ZC3H3: variants seen among roughly 807,000 people sequenced by gnomAD.
ZC3H3 encodes the protein zinc finger CCCH domain-containing protein 3.
ZC3H3 carries 36 observed loss-of-function variants against 77.3 expected under a neutral mutation model. The ratio of observed to expected loss-of-function variants is 0.47; its 90% CI spans 0.36 to 0.61. The LOEUF (loss-of-function observed/expected upper bound fraction) is 0.61, where lower values mean the gene tolerates loss of function less well. ZC3H3 is among the 20% of genes least tolerant of loss of function. ZC3H3 has a pLI of 0.00. For synonymous variants in ZC3H3, 626 were observed against 555.2 expected, an observed-to-expected ratio of 1.13 and a Z score of -1.79; for missense variants, 1,331 against 1,312.2, an observed-to-expected ratio of 1.01 and a Z score of -0.22.
rs778393897 is a variant in ZC3H3, at chr8:143,541,406, T to A, written c.16A>T (p.Ile6Leu). The A allele has an allele frequency of 1.2e-6, 2 of 1,611,746 alleles. No homozygotes were observed. The highest frequency in any genetic ancestry group is 2.7e-5 in the African/African-American group (2 of 74,812). The change falls in exon 1 of 12, where the codon ATA (isoleucine) becomes TTA (leucine). Residue 6 changes from isoleucine (I) to leucine (L), a missense_variant. This residue lies in a region of ZC3H3 where 978 missense variants were observed against 915.5 expected (regional missense o/e 1.07). Coordinates refer to ENST00000262577, the MANE Select transcript of ZC3H3 (RefSeq NM_015117.3). MEEKE[I>L]LRRQIRLLQG... ...AGTAGGCGGATCTGCCGCCGTAATA[T>A]CTCCTTTTCCTCCATCTCCCGAGTC...
chr8:143,439,324 C>CA (rs1819664293), intron 11 of ZC3H3, among the ~76,000 whole-genome samples: 1 of 152,152 alleles, frequency 6.6e-6, no homozygotes, highest in Non-Finnish European at 1.5e-5. Flanking sequence ...AAGGCTGCAG[C>CA]AAGCATCTTC....
At chr8:143,449,055 G>C (rs908607873) in intron 9 of ZC3H3, among the ~76,000 whole-genome samples, 5 of 152,240 alleles carry the variant, frequency 3.3e-5, no homozygotes, top group African/African-American at 1.2e-4. Context: ...CAGGGACGCA[G>C]ATCCTGGGGC....
Position 143,507,796 on chromosome 8 carries a change from GGGCGGGGCGCTGAGA to G in ZC3H3, c.1650_1664del (p.Leu551_Pro555del). 1 of 1,604,802 alleles carries G rather than the reference GGGCGGGGCGCTGAGA, an allele frequency of 6.2e-7. No individual in the cohort carries two copies. The highest frequency in any genetic ancestry group is 1.1e-5 in the South Asian group (1 of 90,842). Reference sequence around the variant, plus strand: ...GCCAGGAGGGCAGAGACAGGGGGAAGGGCGGGGCGCTGAGAGGCGAGGCCGGCGTCTTCTTGACAA... The same window carrying G: ...GCCAGGAGGGCAGAGACAGGGGGAAGGGCGAGGCCGGCGTCTTCTTGACAA... On this transcript the variant is annotated inframe_deletion, in exon 4 of 12. Coordinates refer to ENST00000262577, the MANE Select transcript of ZC3H3 (RefSeq NM_015117.3).
intron 8 of ZC3H3, 62 bp downstream of exon 8, chr8:143,468,147 G>A: frequency 6.4e-7 from 1 of 1,570,886 alleles, no homozygotes. Flanking sequence ...CTGCCCGGAG[G>A]CCAGGTGGCT....
intron 3 of ZC3H3, among the ~76,000 whole-genome samples, chr8:143,517,896 C>A (rs563790747): frequency 6.6e-6 from 1 of 152,220 alleles, no homozygotes. Context: ...CTCAGATACT[C>A]GAGGGCGGAA....
At chr8:143,476,664 C>CCAGCAAATCTGGGCA (rs2129911439) in intron 4 of ZC3H3, among the ~76,000 whole-genome samples, 1 of 152,380 alleles carries the variant, frequency 6.6e-6, no homozygotes, top group Admixed American at 6.5e-5. Flanking sequence ...TACCACACCC[C>CCAGCAAATCTGGGCA]CAGCAAATCT....
intron 9 of ZC3H3, among the ~76,000 whole-genome samples, chr8:143,454,924 T>A (rs529681621): frequency 6.4e-4 from 98 of 151,946 alleles, no homozygotes; most frequent in Non-Finnish European, 6.5e-4. Context: ...TCATAAAAAA[T>A]GGCCCCAAAG....
At chr8:143,443,670 G>A (rs531043240) in intron 9 of ZC3H3, among the ~76,000 whole-genome samples, 10 of 152,316 alleles carry the variant, frequency 6.6e-5, no homozygotes, top group Admixed American at 6.5e-4. Context: ...TTAAAAGTTG[G>A]TTCTTTTAAA....
At chr8:143,443,582 T>A (rs1819800267) in intron 9 of ZC3H3, among the ~76,000 whole-genome samples, 1 of 152,116 alleles carries the variant, frequency 6.6e-6, no homozygotes, top group African/African-American at 2.4e-5. Context: ...AGACCTAGCT[T>A]AAAAGTTAGG....
intron 3 of ZC3H3, among the ~76,000 whole-genome samples, chr8:143,510,358 G>A (rs1156755349): frequency 1.3e-5 from 2 of 152,250 alleles, no homozygotes; most frequent in South Asian, 2.1e-4. Context: ...CAGCAGGGTC[G>A]TGTCCCCCAC....
intron 9 of ZC3H3, among the ~76,000 whole-genome samples, chr8:143,443,813 C>T (rs912460742): frequency 6.6e-6 from 1 of 152,196 alleles, no homozygotes; most frequent in African/African-American, 2.4e-5. Context: ...TGGTAACAAA[C>T]GTCATGCCAG....
intron 9 of ZC3H3, among the ~76,000 whole-genome samples, chr8:143,444,830 A>G (rs1257285996): frequency 1.3e-5 from 2 of 152,222 alleles, no homozygotes; most frequent in Non-Finnish European, 2.9e-5. Flanking sequence ...GTCCTATCCA[A>G]GGCAGGAAGA....
At chr8:143,529,137 C>A (rs1358970975) in intron 3 of ZC3H3, among the ~76,000 whole-genome samples, 2 of 152,142 alleles carry the variant, frequency 1.3e-5, no homozygotes, top group Non-Finnish European at 2.9e-5. Context: ...AGAGGTTGGG[C>A]CTGGTTGGAG....
intron 3 of ZC3H3, chr8:143,523,297 G>C: frequency 2.0e-6 from 2 of 984,036 alleles, no homozygotes; most frequent in Non-Finnish European, 2.4e-6. Context: ...AAAGACAGAC[G>C]CACGATGAAA....
intron 3 of ZC3H3, among the ~76,000 whole-genome samples, chr8:143,520,670 T>A (rs1221506556): frequency 6.6e-6 from 1 of 152,082 alleles, no homozygotes; most frequent in African/African-American, 2.4e-5. Context: ...TGCCACAAGG[T>A]TCTAGGCCTT....
At chr8:143,520,851 G>A (rs976199269) in intron 3 of ZC3H3, among the ~76,000 whole-genome samples, 1 of 152,206 alleles carries the variant, frequency 6.6e-6, no homozygotes, top group Non-Finnish European at 1.5e-5. Context: ...GCCCACCCCT[G>A]CCCAGGAGCT....
intron 1 of ZC3H3, among the ~76,000 whole-genome samples, chr8:143,540,932 G>A (rs1421668042): frequency 1.3e-5 from 2 of 152,120 alleles, no homozygotes; most frequent in Non-Finnish European, 2.9e-5. Flanking sequence ...CCCCAGCCTG[G>A]GTGACAGAGC....
intron 3 of ZC3H3, among the ~76,000 whole-genome samples, chr8:143,511,619 T>C (rs1213088670): frequency 6.6e-6 from 1 of 152,080 alleles, no homozygotes; most frequent in East Asian, 1.9e-4. Flanking sequence ...AGCCTGCTGA[T>C]GGGAGGGTCC....
At chr8:143,522,575 A>G (rs1367114051) in intron 3 of ZC3H3, among the ~76,000 whole-genome samples, 3 of 151,834 alleles carry the variant, frequency 2.0e-5, no homozygotes, top group Non-Finnish European at 4.4e-5. Flanking sequence ...TGCACACTCC[A>G]GCCTAGGGAA....
Sources: allele counts gnomAD v4.1 joint callset (sites outside exome capture counted in the v4.1 genomes callset), GRCh38; gene constraint gnomAD v4.1.1; regional missense constraint gnomAD v4.1.1; transcripts MANE v1.5; gene names NCBI Gene and HGNC (gene_info 2026-07-23, HGNC 2026-07-21).